The following DPP6 variants were observed in gnomAD, a reference collection of about 807,000 sequenced individuals.
DPP6 encodes dipeptidyl peptidase like 6, also known as A-type potassium channel modulatory protein DPP6.
Under a neutral mutation model 122.6 loss-of-function variants are expected in DPP6, and 69 were observed. The ratio of observed to expected loss-of-function variants is 0.56; its 90% CI spans 0.46 to 0.69. The LOEUF (loss-of-function observed/expected upper bound fraction) is 0.69, where lower values mean the gene tolerates loss of function less well. DPP6 is among the 30% of genes least tolerant of loss of function. The probability of loss-of-function intolerance (pLI) is 0.00; values close to 1 mark genes in which losing one functional copy is unlikely to be tolerated. For synonymous variants in DPP6, 418 were observed against 433.1 expected (o/e 0.97, Z 0.43); for missense variants, 928 against 1,116.9 (o/e 0.83, Z 2.41).
At chr7:154,533,718 C>T (rs1292350902) in intron 3 of DPP6, among the ~76,000 whole-genome samples, 1 of 152,090 alleles carries the variant, frequency 6.6e-6, no homozygotes, top group African/African-American at 2.4e-5. Flanking sequence ...CAACAATAGG[C>T]CTGGCATGGT....
intron 1 of DPP6, among the ~76,000 whole-genome samples, chr7:154,010,250 C>T (rs2629012): frequency 6.6e-6 from 1 of 151,996 alleles, no homozygotes; most frequent in Non-Finnish European, 1.5e-5. Flanking sequence ...AGAAACAGAA[C>T]ACAGCAAATC....
intron 1 of DPP6, chr7:154,059,441 G>A (rs1407199291): frequency 1.3e-4 from 15 of 119,734 alleles, no homozygotes; most frequent in Admixed American, 1.1e-3. Flanking sequence ...CCTTACATGG[G>A]ATTTACGATC....
rs533418015 is a variant in DPP6, at chr7:154,010,522, A to C, written c.51+122788A>C. Among the ~76,000 whole-genome samples, 298 of 152,374 alleles carry C rather than the reference A, an allele frequency of 2.0e-3. 2 individuals carry two copies. The highest frequency in any genetic ancestry group is 6.9e-3 in the African/African-American group (287 of 41,582). ...TGCTTTCTCATGAATTAATGAGCTC[A>C]TCTACGTGCATGTCAATATTTTGTT... On this transcript the variant is annotated intron_variant, in intron 1 of 25. Coordinates refer to the DPP6 transcript ENST00000404039.
In DPP6 at chr7:154,052,676, C is replaced by T. The variant is rs1160194362; in HGVS notation, c.-145C>T. 3 of 1,221,372 alleles carry T rather than the reference C, an allele frequency of 2.5e-6. No homozygotes were observed. Among genetic ancestry groups the T allele is most frequent in the Non-Finnish European group, 3.1e-6 (3 of 968,922 alleles). 75.7% of individuals were successfully genotyped at this position (1,221,372 alleles called of 1,614,324 possible). Reference sequence around the variant, plus strand: ...CGCGCGGGAGGAGCGGCCGCCGGCGCTGGGCTTGCCTTGCTGCTGCTGCTG... The same window carrying T: ...CGCGCGGGAGGAGCGGCCGCCGGCGTTGGGCTTGCCTTGCTGCTGCTGCTG... On this transcript the variant is annotated 5_prime_UTR_variant, in exon 1 of 26. Coordinates refer to ENST00000377770, the MANE Select transcript of DPP6 (RefSeq NM_130797.4). The surrounding 1 kb of genome is among the most constrained non-coding windows in gnomAD (Gnocchi z 4.8).
chr7:154,081,763 C>T (rs923280937), intron 1 of DPP6, among the ~76,000 whole-genome samples: 4 of 151,040 alleles, frequency 2.6e-5, no homozygotes, highest in Non-Finnish European at 5.9e-5. Flanking sequence ...GTTTCAATGC[C>T]AAGTGCTAAT....
intron 1 of DPP6, among the ~76,000 whole-genome samples, chr7:154,445,068 T>C (rs192808785): frequency 6.6e-6 from 1 of 152,344 alleles, no homozygotes. Context: ...TGGATGATAT[T>C]GCATATTGTC....
At chr7:154,061,533 C>T (rs373645802) in intron 1 of DPP6, among the ~76,000 whole-genome samples, 28 of 146,416 alleles carry the variant, frequency 1.9e-4, no homozygotes, top group African/African-American at 3.8e-4. Flanking sequence ...GATTCTTGGG[C>T]AAAACCTGAA....
In DPP6 at chr7:154,892,667, C is replaced by A; in HGVS notation, c.*187C>A. The stretch of plus-strand genomic sequence containing the variant: ...AAGCTCCTTCCCCGGGGTCATCACT[C>A]ACGGCCTCCATGGCACCAGGGACAA... On this transcript the variant is annotated 3_prime_UTR_variant, in exon 26 of 26. Transcript: ENST00000377770. 1 of 1,234,760 alleles carries A rather than the reference C, an allele frequency of 8.1e-7. No individual in the cohort carries two copies. The highest frequency in any genetic ancestry group is 1.2e-6 in the Non-Finnish European group (1 of 864,268). 76.5% of individuals were successfully genotyped at this position (1,234,760 alleles called of 1,614,324 possible).
Position 154,536,016 on chromosome 7 carries a change from G to C in DPP6, c.458-4516G>C, listed in dbSNP as rs1417963814. On this transcript the variant is annotated intron_variant, in intron 3 of 25. Transcript: ENST00000377770. ...TACCATATGACCCAACAATATAATA[G>C]CTACAACCTGGCAGCAATCTAAATT... Among the ~76,000 whole-genome samples the C allele has an allele frequency of 1.3e-5, 2 of 152,116 alleles. 1 individual carries two copies. Among genetic ancestry groups the C allele is most frequent in the African/African-American group, 4.8e-5 (2 of 41,420 alleles).
intron 1 of DPP6, among the ~76,000 whole-genome samples, chr7:153,888,254 G>C (rs1166700690): frequency 4.6e-5 from 7 of 152,314 alleles, no homozygotes; most frequent in African/African-American, 1.4e-4. Context: ...CGCCGCCGCC[G>C]GGCGGGACCC....
At chr7:154,310,381 C>T (rs1806761995) in intron 1 of DPP6, among the ~76,000 whole-genome samples, 1 of 152,200 alleles carries the variant, frequency 6.6e-6, no homozygotes, top group Non-Finnish European at 1.5e-5. Context: ...GTGTCACCAA[C>T]TTACTAAAAA....
intron 1 of DPP6, among the ~76,000 whole-genome samples, chr7:154,183,540 C>G (rs1798200953): frequency 6.6e-6 from 1 of 152,184 alleles, no homozygotes; most frequent in African/African-American, 2.4e-5. Context: ...GATTGACATG[C>G]AAAATGCTGC....
upstream of DPP6, among the ~76,000 whole-genome samples, chr7:154,052,201 G>T (rs1178446580): frequency 6.6e-6 from 1 of 151,650 alleles, no homozygotes; most frequent in Non-Finnish European, 1.5e-5. The surrounding 1 kb of genome is among the most constrained non-coding windows in gnomAD (Gnocchi z 4.8). Context: ...GACCCGCGTG[G>T]TCCCAGCCCC....
intron 1 of DPP6, among the ~76,000 whole-genome samples, chr7:154,314,219 G>C (rs1467338800): frequency 6.6e-6 from 1 of 152,132 alleles, no homozygotes; most frequent in Non-Finnish European, 1.5e-5. Context: ...GACTGATTCT[G>C]TATCTATGAA....
At chr7:154,027,574 A>T (rs1352136714) in intron 1 of DPP6, among the ~76,000 whole-genome samples, 2 of 152,022 alleles carry the variant, frequency 1.3e-5, no homozygotes, top group African/African-American at 4.8e-5. Flanking sequence ...CCACCTCCTA[A>T]CACCATCGCT....
At chr7:154,216,372 G>A (rs1563327879) in intron 1 of DPP6, among the ~76,000 whole-genome samples, 1 of 152,216 alleles carries the variant, frequency 6.6e-6, no homozygotes, top group Non-Finnish European at 1.5e-5. Context: ...ACTTGAGGAT[G>A]CATAATCAAG....
At chr7:154,057,051 A>C (rs1343917122) in intron 1 of DPP6, among the ~76,000 whole-genome samples, 11 of 152,224 alleles carry the variant, frequency 7.2e-5, no homozygotes, top group Non-Finnish European at 1.5e-4. Context: ...GGAGAGTTGC[A>C]ATGTTGCCCT....
chr7:154,630,992 G>A (rs879470108), intron 5 of DPP6, among the ~76,000 whole-genome samples: 23 of 152,144 alleles, frequency 1.5e-4, no homozygotes, highest in Admixed American at 3.3e-4. Flanking sequence ...AAAAAAGAAT[G>A]TATTTCATTT....
At chr7:154,106,943 C>T (rs574295690) in intron 1 of DPP6, among the ~76,000 whole-genome samples, 4 of 151,796 alleles carry the variant, frequency 2.6e-5, no homozygotes, top group East Asian at 3.9e-4. Context: ...CAAGTGTTGG[C>T]GAGGATATGG....
Sources: allele counts gnomAD v4.1 joint callset (sites outside exome capture counted in the v4.1 genomes callset), GRCh38; gene constraint gnomAD v4.1.1; non-coding constraint Gnocchi (gnomAD v3.1); transcripts MANE v1.5; gene names NCBI Gene and HGNC (gene_info 2026-07-23, HGNC 2026-07-21).